ZBTB7C: variants seen among roughly 807,000 people sequenced by gnomAD.
ZBTB7C encodes zinc finger and BTB domain containing 7C, also known as zinc finger and BTB domain-containing protein 7C.
ZBTB7C carries 8 observed loss-of-function variants against 25.7 expected under a neutral mutation model. That is an observed-to-expected ratio of 0.31 (90% CI 0.18 to 0.56). ZBTB7C has a LOEUF of 0.56. Ranked by LOEUF, ZBTB7C falls within the 20% of genes least tolerant of loss-of-function variation. The probability of loss-of-function intolerance (pLI) is 0.91; values close to 1 mark genes in which losing one functional copy is unlikely to be tolerated. For missense variants in ZBTB7C, 824 were observed against 855.2 expected (o/e 0.96, Z 0.46); for synonymous variants, 394 against 369.0 (o/e 1.07, Z -0.78).
chr18:48,311,701 C>A (rs2045824960), intron 2 of ZBTB7C, among the ~76,000 whole-genome samples: 1 of 152,172 alleles, frequency 6.6e-6, no homozygotes, highest in Non-Finnish European at 1.5e-5. Flanking sequence ...TTACCTGACA[C>A]CTTGAAGGGA....
At chr18:48,169,739 T>C (rs992260582) in intron 3 of ZBTB7C, 1 of 151,656 alleles carries the variant, frequency 6.6e-6, no homozygotes, top group African/African-American at 2.4e-5. Context: ...CTTACGATTA[T>C]AATAATGCCC....
chr18:48,310,453 A>G (rs2045789746), intron 2 of ZBTB7C, among the ~76,000 whole-genome samples: 1 of 151,692 alleles, frequency 6.6e-6, no homozygotes, highest in Admixed American at 6.6e-5. Context: ...AACTACGTCC[A>G]AGACTTCCAA....
chr18:48,110,955 A>G (rs1217828433), intron 3 of ZBTB7C, among the ~76,000 whole-genome samples: 1 of 152,158 alleles, frequency 6.6e-6, no homozygotes, highest in Non-Finnish European at 1.5e-5. Context: ...ACAATCAATG[A>G]GTAGGTCATG....
intron 2 of ZBTB7C, among the ~76,000 whole-genome samples, chr18:48,322,364 CCCAGACCTCACCA>C (rs1469916383): frequency 6.6e-6 from 1 of 152,156 alleles, no homozygotes; most frequent in Non-Finnish European, 1.5e-5. Context: ...CTGGGACAAT[CCCAGACCTCACCA>C]CCAAATGTCC....
At chr18:48,404,116 G>T (rs918228248) in intron 1 of ZBTB7C, among the ~76,000 whole-genome samples, 1 of 152,214 alleles carries the variant, frequency 6.6e-6, no homozygotes, top group African/African-American at 2.4e-5. Flanking sequence ...AACCAGCCAT[G>T]GCGGGGCCGC....
At position 48,238,390 on chromosome 18, in the gene ZBTB7C, G is replaced by T. The variant is rs116393338; in HGVS notation, c.-78-52395C>A. ...CAGGAACATACCAGGAAAACCAAAAGAATTCAAAGACCTTTTGAAGGAAGC... is the reference window on the plus strand; with the variant it reads ...CAGGAACATACCAGGAAAACCAAAATAATTCAAAGACCTTTTGAAGGAAGC... On this transcript the variant is annotated intron_variant, in intron 2 of 4. Coordinates refer to ENST00000590800, the MANE Select transcript of ZBTB7C (RefSeq NM_001318841.2). Among the ~76,000 whole-genome samples the T allele has an allele frequency of 7.4e-3, 1,133 of 152,276 alleles. 6 individuals carry two copies. The highest frequency in any genetic ancestry group is 0.026 in the African/African-American group (1,074 of 41,552).
At chr18:48,151,569 G>A (rs1449871171) in intron 3 of ZBTB7C, among the ~76,000 whole-genome samples, 3 of 152,130 alleles carry the variant, frequency 2.0e-5, no homozygotes, top group Non-Finnish European at 4.4e-5. Flanking sequence ...AGCGACCTGT[G>A]ACCTGCCCAG....
intron 2 of ZBTB7C, among the ~76,000 whole-genome samples, chr18:48,263,941 A>G (rs2044240950): frequency 6.6e-6 from 1 of 152,190 alleles, no homozygotes; most frequent in Non-Finnish European, 1.5e-5. Flanking sequence ...GACAAGTGAG[A>G]ACATTTGTAA....
intron 2 of ZBTB7C, among the ~76,000 whole-genome samples, chr18:48,240,354 C>G (rs1276342762): frequency 6.6e-6 from 1 of 152,094 alleles, no homozygotes; most frequent in Non-Finnish European, 1.5e-5. Flanking sequence ...AACACCCAGG[C>G]AATTCATCAC....
chr18:48,125,204 G>T (rs2039761765), intron 3 of ZBTB7C, among the ~76,000 whole-genome samples: 1 of 152,222 alleles, frequency 6.6e-6, no homozygotes, highest in African/African-American at 2.4e-5. Context: ...GGACTCAGAA[G>T]TTCCAAGTAG....
chr18:48,323,744 G>C (rs1181839330), intron 2 of ZBTB7C, among the ~76,000 whole-genome samples: 1 of 152,100 alleles, frequency 6.6e-6, no homozygotes. Context: ...GTAAGGATCC[G>C]GCAGTTCAGT....
intron 3 of ZBTB7C, among the ~76,000 whole-genome samples, chr18:48,095,424 C>G (rs570125875): frequency 6.6e-6 from 1 of 152,148 alleles, no homozygotes; most frequent in African/African-American, 2.4e-5. Context: ...ATTATTGGGC[C>G]GAGCACGGTG....
intron 3 of ZBTB7C, among the ~76,000 whole-genome samples, chr18:48,099,602 CTG>C (rs1423648470): frequency 6.6e-6 from 1 of 152,210 alleles, no homozygotes; most frequent in East Asian, 1.9e-4. Flanking sequence ...GGGAGAGGGA[CTG>C]TGCAAGTTTG....
rs536774848 is a variant in ZBTB7C at position 48,368,529 on chromosome 18, G to A, written c.-303-30131C>T. Among the ~76,000 whole-genome samples the A allele has an allele frequency of 5.9e-5, 9 of 152,246 alleles. No homozygotes were observed. The South Asian group carries it at 1.9e-3, about 32-fold the overall frequency. ...GGAGAAAACGGGTAGAGCTGAAAAG[G>A]TGCTCAATAGTAGAAAACCTCCAAA... On this transcript the variant is annotated intron_variant, in intron 1 of 4. Coordinates refer to ENST00000590800, the MANE Select transcript of ZBTB7C (RefSeq NM_001318841.2).
At chr18:48,385,255 C>G (rs910533411) in intron 1 of ZBTB7C, among the ~76,000 whole-genome samples, 1 of 152,178 alleles carries the variant, frequency 6.6e-6, no homozygotes, top group African/African-American at 2.4e-5. Context: ...TGGTCTGTAG[C>G]TCTTTTTTCA....
At chr18:48,387,642 G>T (rs1281569353) in intron 1 of ZBTB7C, among the ~76,000 whole-genome samples, 5 of 152,140 alleles carry the variant, frequency 3.3e-5, no homozygotes, top group African/African-American at 1.2e-4. Context: ...CCAGAGAGGA[G>T]GTGCAGCAAG....
At chr18:48,140,256 T>G (rs1023562331) in intron 3 of ZBTB7C, among the ~76,000 whole-genome samples, 2 of 152,248 alleles carry the variant, frequency 1.3e-5, no homozygotes, top group Non-Finnish European at 2.9e-5. Flanking sequence ...ATACAGAGTG[T>G]CTGCACACAC....
intron 2 of ZBTB7C, among the ~76,000 whole-genome samples, chr18:48,269,213 C>T (rs558170767): frequency 2.0e-5 from 3 of 152,250 alleles, no homozygotes; most frequent in African/African-American, 7.2e-5. Flanking sequence ...ATCCACCCAT[C>T]TCAGCCTCCC....
intron 3 of ZBTB7C, among the ~76,000 whole-genome samples, chr18:48,161,885 C>T (rs1458617874): frequency 6.6e-6 from 1 of 151,840 alleles, no homozygotes; most frequent in African/African-American, 2.4e-5. Flanking sequence ...GTTTCCCGGG[C>T]CTCTCCTCCG....
Sources: gnomAD v4.1 joint callset for allele counts (sites outside exome capture counted in the v4.1 genomes callset) on GRCh38, gnomAD v4.1.1 for gene constraint, MANE v1.5 for transcripts, NCBI Gene and HGNC (gene_info 2026-07-23, HGNC 2026-07-21) for gene names.